The following KDM4C variants were observed in gnomAD, a reference collection of about 807,000 sequenced individuals.
KDM4C encodes the protein lysine-specific demethylase 4C.
KDM4C carries 81 observed loss-of-function variants against 129.3 expected under a neutral mutation model. That is an observed-to-expected ratio of 0.63 (90% CI 0.52 to 0.75). The LOEUF is 0.75. KDM4C is among the 30% of genes least tolerant of loss of function. The pLI is 0.00. For synonymous variants in KDM4C, 573 were observed against 456.1 expected, an observed-to-expected ratio of 1.26 and a Z score of -3.26; for missense variants, 1,457 against 1,304.0, an observed-to-expected ratio of 1.12 and a Z score of -1.81.
At chr9:6,757,783 G>T, upstream of KDM4C, 1 of 985,586 alleles carries the variant, frequency 1.0e-6, no homozygotes, top group Non-Finnish European at 1.2e-6. Flanking sequence ...TTCCCCTCCG[G>T]AAAGAATGGG....
intron 8 of KDM4C, among the ~76,000 whole-genome samples, chr9:6,961,316 A>C (rs1057346420): frequency 6.6e-6 from 1 of 152,188 alleles, no homozygotes; most frequent in Non-Finnish European, 1.5e-5. Context: ...GTGCAGCACT[A>C]AACGTGGGGT....
At chr9:6,885,339 T>A (rs181330001) in intron 6 of KDM4C, among the ~76,000 whole-genome samples, 62 of 152,364 alleles carry the variant, frequency 4.1e-4, no homozygotes, top group African/African-American at 1.4e-3. Flanking sequence ...TTTTACATTG[T>A]ATGTGAAACA....
intron 8 of KDM4C, among the ~76,000 whole-genome samples, chr9:6,962,066 G>A (rs1296059724): frequency 6.6e-6 from 1 of 152,160 alleles, no homozygotes; most frequent in African/African-American, 2.4e-5. Flanking sequence ...GAGTCACAGT[G>A]GGATACAAGA....
At chr9:6,777,846 C>T (rs1823414176) in intron 1 of KDM4C, among the ~76,000 whole-genome samples, 1 of 149,698 alleles carries the variant, frequency 6.7e-6, no homozygotes, top group African/African-American at 2.4e-5. Context: ...TGAAATTCTT[C>T]AGTTTGATAG....
chr9:6,844,350 C>G (rs1837485279), intron 4 of KDM4C, among the ~76,000 whole-genome samples: 1 of 152,152 alleles, frequency 6.6e-6, no homozygotes, highest in East Asian at 1.9e-4. Flanking sequence ...CATTCTCTAG[C>G]CACCCCTTCA....
At chr9:6,748,968 C>A (rs750865948) in intron 1 of KDM4C, 1 of 837,412 alleles carries the variant, frequency 1.2e-6, no homozygotes, top group East Asian at 2.5e-5. Flanking sequence ...CTGGCCCTGG[C>A]CACTGTATGC....
At chr9:6,735,192 G>C (rs554808549) in intron 1 of KDM4C, 2 of 199,354 alleles carry the variant, frequency 1.0e-5, no homozygotes, top group Non-Finnish European at 9.7e-6. Context: ...GTGTGAAATT[G>C]GCTCTGCAGA....
At chr9:7,164,609 G>A (rs1556098) in intron 19 of KDM4C, among the ~76,000 whole-genome samples, 114,660 of 152,130 alleles carry the variant, frequency 0.75, 43,775 homozygotes, top group African/African-American at 0.88. Context: ...TCCACCCGCC[G>A]TGCTGCAGGT....
intron 11 of KDM4C, among the ~76,000 whole-genome samples, chr9:6,988,596 A>G (rs1401497083): frequency 6.6e-6 from 1 of 152,148 alleles, no homozygotes; most frequent in Non-Finnish European, 1.5e-5. Flanking sequence ...TGCTATGTGT[A>G]TGCTGATAGC....
intron 19 of KDM4C, among the ~76,000 whole-genome samples, chr9:7,129,767 TACTG>T: frequency 6.6e-6 from 1 of 152,168 alleles, no homozygotes; most frequent in Non-Finnish European, 1.5e-5. Context: ...AAGTAACACT[TACTG>T]ACATTTACCA....
At chr9:7,036,289 A>G (rs1298916501) in intron 15 of KDM4C, among the ~76,000 whole-genome samples, 3 of 152,202 alleles carry the variant, frequency 2.0e-5, no homozygotes, top group African/African-American at 7.2e-5. Flanking sequence ...AGAATAAGCC[A>G]GCTGGGTTTT....
At position 6,748,894 on chromosome 9, in the gene KDM4C, G is replaced by A. The variant is rs752899582; in HGVS notation, c.49+27897G>A. The A allele has an allele frequency of 2.3e-5, 22 of 969,286 alleles. No homozygotes were observed. The African/African-American group carries it at 2.7e-4, about 12-fold the overall frequency. 60.0% of individuals were successfully genotyped at this position (969,286 alleles called of 1,614,324 possible). A position where few individuals can be genotyped will look rare whatever the true frequency, so the allele number is the denominator to read the frequency against. ...TGCTCATAGAGCCACACCTGAATCT[G>A]CGATCTATTTTGTAAGTATCTGAAG... On this transcript the variant is annotated intron_variant, in intron 1 of 17. Transcript: ENST00000536108.
Position 6,814,889 on chromosome 9 carries a change from A to G in KDM4C, c.435+144A>G, listed in dbSNP as rs1192851265. 4 of 451,458 alleles carry G rather than the reference A, an allele frequency of 8.9e-6. No individual in the cohort carries two copies. The East Asian group carries it at 1.0e-4, about 12-fold the overall frequency. The allele number at this position is 451,458 out of a possible 1,614,324, so 28.0% of individuals were successfully genotyped here. On this transcript the variant is annotated intron_variant, in intron 4 of 21. Transcript: ENST00000381309. ...AGGACAACAGGAAATATTCATCAGT[A>G]GGATTTCTGCTGCTGGTATTTTTCA...
chr9:6,879,559 A>G (rs944619554), intron 5 of KDM4C, among the ~76,000 whole-genome samples: 7 of 152,198 alleles, frequency 4.6e-5, no homozygotes, highest in African/African-American at 1.7e-4. Context: ...CTGCTTGTCA[A>G]TAAAAATATT....
intron 19 of KDM4C, among the ~76,000 whole-genome samples, chr9:7,154,460 T>C (rs1842976703): frequency 6.6e-6 from 1 of 152,086 alleles, no homozygotes; most frequent in African/African-American, 2.4e-5. Context: ...TAAGGAGTAG[T>C]GATGGGGGTG....
chr9:6,865,401 T>C lies in KDM4C; in HGVS notation c.630-14611T>C, dbSNP rs377462130. 1.5e-3 allele frequency among the ~76,000 whole-genome samples: 228 copies of C among 152,326 alleles called. 8 individuals carry two copies. In the South Asian group the frequency reaches 0.047, roughly 32 times the overall value. ...TGAAAGTGCTATCTTGAATTCCTGATCAGAGAGCTTACATATAGCTATGTT... is the reference window on the plus strand; with the variant it reads ...TGAAAGTGCTATCTTGAATTCCTGACCAGAGAGCTTACATATAGCTATGTT... On this transcript the variant is annotated intron_variant, in intron 5 of 21. Transcript: ENST00000381309.
intron 20 of KDM4C, 108 bp from the exon 21 acceptor site, chr9:7,169,690 T>G (rs1481002317): frequency 1.2e-5 from 10 of 846,658 alleles, no homozygotes; most frequent in Non-Finnish European, 1.6e-5. Flanking sequence ...GGTTCCCTTG[T>G]TTGTTCTGTT....
At chr9:6,873,979 C>T (rs1843189877) in intron 5 of KDM4C, among the ~76,000 whole-genome samples, 1 of 145,210 alleles carries the variant, frequency 6.9e-6, no homozygotes, top group East Asian at 2.1e-4. Context: ...AGAGGATCAG[C>T]TAGCCGACGG....
chr9:7,099,816 C>A (rs375583138), intron 17 of KDM4C, among the ~76,000 whole-genome samples: 1 of 152,228 alleles, frequency 6.6e-6, no homozygotes, highest in African/African-American at 2.4e-5. Context: ...GTGATCAGCT[C>A]CCTGGAGTCC....
Sources: gnomAD v4.1 joint callset for allele counts (sites outside exome capture counted in the v4.1 genomes callset) on GRCh38, gnomAD v4.1.1 for gene constraint, MANE v1.5 for transcripts, NCBI Gene and HGNC (gene_info 2026-07-23, HGNC 2026-07-21) for gene names.